Variants in SMARCD2 observed in about 807,000 individuals in gnomAD.
SMARCD2 encodes SWI/SNF related BAF chromatin remodeling complex subunit D2, also known as SWI/SNF-related matrix-associated actin-dependent regulator of chromatin subfamily D member 2.
A neutral mutation model predicts 70.4 loss-of-function variants in SMARCD2; 39 were observed. That is an observed-to-expected ratio of 0.55 (90% CI 0.43 to 0.72). The LOEUF (loss-of-function observed/expected upper bound fraction) is 0.72. Among genes scored for constraint, SMARCD2 ranks in the 30% least tolerant of loss-of-function variants. The pLI, the probability that SMARCD2 is intolerant of heterozygous loss-of-function variation, is 0.00. For missense variants in SMARCD2, 540 were observed against 713.4 expected, an observed-to-expected ratio of 0.76 and a Z score of 2.77; for synonymous variants, 249 against 279.4, an observed-to-expected ratio of 0.89 and a Z score of 1.08.
At chr17:63,838,676 C>T (rs1026320740) in intron 1 of SMARCD2, 2 of 1,433,864 alleles carry the variant, frequency 1.4e-6, no homozygotes, top group African/African-American at 2.9e-5. Flanking sequence ...CCACCCGCCT[C>T]CCCATGGCTG....
Position 63,832,792 on chromosome 17 carries a change from T to TC in SMARCD2, c.*145dup. On this transcript the variant is annotated 3_prime_UTR_variant, in exon 13 of 13. Transcript: ENST00000448276. The stretch of plus-strand genomic sequence containing the variant: ...GGGGACCAAGCAACAAGGAATCCTA[T>TC]CACTACATTTATAAGACTAAAGCTG... 5.6e-6 allele frequency: 4 copies of TC among 714,656 alleles called. No individual in the cohort carries two copies. Among genetic ancestry groups the TC allele is most frequent in the Non-Finnish European group, 9.8e-6 (4 of 408,758 alleles). The allele number at this position is 714,656 out of a possible 1,614,324, so 44.3% of individuals were successfully genotyped here. A position where few individuals can be genotyped will look rare whatever the true frequency, so the allele number is the denominator to read the frequency against.
chr17:63,837,298 T>C lies in SMARCD2; in HGVS notation c.402-61A>G. 1 of 1,564,952 alleles carries C rather than the reference T, an allele frequency of 6.4e-7. No individual in the cohort carries two copies. Among genetic ancestry groups the C allele is most frequent in the South Asian group, 1.1e-5 (1 of 90,026 alleles). The stretch of plus-strand genomic sequence containing the variant: ...GTCCAAAAAAGGACACTCACTCCCA[T>C]AACGCCCCTCCAGTCTCCAGGACCC... On this transcript the variant is annotated intron_variant, in intron 2 of 12. Coordinates refer to ENST00000448276, the MANE Select transcript of SMARCD2 (RefSeq NM_001098426.2). The surrounding 1 kb of genome is among the most constrained non-coding windows in gnomAD (Gnocchi z 6.4).
chr17:63,839,070 T>C, intron 1 of SMARCD2: 2 of 985,354 alleles, frequency 2.0e-6, no homozygotes, highest in African/African-American at 3.5e-5. Flanking sequence ...CCAAAGTCTC[T>C]CTGCATCAGG....
rs927959000 is a variant in SMARCD2 at position 63,837,995 on chromosome 17, C to T, written c.217-370G>A. On this transcript the variant is annotated intron_variant, in intron 1 of 12. Transcript: ENST00000448276. This position sits in a 1 kb window ranked among gnomAD's most constrained non-coding sequence, Gnocchi z 6.4. ...GCTGGTCCCTATTCTCTCAGACAGT[C>T]CTGCCAAGCCCTGCCCTCCTTCTCT... 6.6e-6 allele frequency among the ~76,000 whole-genome samples: 1 copy of T among 152,136 alleles called. No homozygotes were observed. Among genetic ancestry groups the T allele is most frequent in the African/African-American group, 2.4e-5 (1 of 41,428 alleles).
At chr17:63,835,603 C>G in intron 4 of SMARCD2, 36 bp from the exon 5 acceptor site, 1 of 1,607,492 alleles carries the variant, frequency 6.2e-7, no homozygotes, top group Non-Finnish European at 8.5e-7. Context: ...TGGAGGTGGA[C>G]CAAGATGCTG....
rs906339420 is a variant in SMARCD2 at position 63,837,261 on chromosome 17, A to G, written c.402-24T>C. 73 of 1,612,262 alleles carry G rather than the reference A, an allele frequency of 4.5e-5. No individual in the cohort carries two copies. Among genetic ancestry groups the G allele is most frequent in the Non-Finnish European group, 6.2e-5 (73 of 1,178,562 alleles). On this transcript the variant is annotated intron_variant, in intron 2 of 12. Transcript: ENST00000448276. The surrounding 1 kb of genome is among the most constrained non-coding windows in gnomAD (Gnocchi z 6.4). Reference sequence around the variant, plus strand: ...ACCTGGGGAGGACAGAAACCCACTTAAGAGGTCAATGGTCCAAAAAAGGAC... The same window carrying G: ...ACCTGGGGAGGACAGAAACCCACTTGAGAGGTCAATGGTCCAAAAAAGGAC...
intron 4 of SMARCD2, 133 bp downstream of exon 4, chr17:63,836,789 C>T (rs556354559): frequency 4.3e-5 from 32 of 751,512 alleles, no homozygotes; most frequent in Admixed American, 6.8e-5. Flanking sequence ...CAACTGAGTT[C>T]GTACTCTACT....
Position 63,834,357 on chromosome 17 carries a change from G to A in SMARCD2, c.922-29C>T, listed in dbSNP as rs768567198. On this transcript the variant is annotated intron_variant, in intron 7 of 12. Coordinates refer to ENST00000448276, the MANE Select transcript of SMARCD2 (RefSeq NM_001098426.2). The surrounding 1 kb of genome is among the most constrained non-coding windows in gnomAD (Gnocchi z 5.6). ...GAGTTGGATGGAGGGGAGTCAGAAC[G>A]GGTTCTTATAGTAGAACAGTGGGAA... 8.7e-6 allele frequency: 14 copies of A among 1,602,380 alleles called. No homozygotes were observed. The highest frequency in any genetic ancestry group is 3.3e-5 in the South Asian group (3 of 90,618).
Position 63,832,892 on chromosome 17 carries a change from G to A in SMARCD2, c.*46C>T, listed in dbSNP as rs1273996925. 1 of 1,527,562 alleles carries A rather than the reference G, an allele frequency of 6.5e-7. No homozygotes were observed. Among genetic ancestry groups the A allele is most frequent in the Non-Finnish European group, 8.9e-7 (1 of 1,126,644 alleles). 94.6% of individuals were successfully genotyped at this position (1,527,562 alleles called of 1,614,324 possible). Reference sequence around the variant, plus strand: ...CGGCCCCAGCAAGGACCCAGAGGGTGGTCTCCCTCCAGGCTCCAGGGCTGG... The same window carrying A: ...CGGCCCCAGCAAGGACCCAGAGGGTAGTCTCCCTCCAGGCTCCAGGGCTGG... On this transcript the variant is annotated 3_prime_UTR_variant, in exon 13 of 13. Coordinates refer to ENST00000448276, the MANE Select transcript of SMARCD2 (RefSeq NM_001098426.2).
Position 63,834,014 on chromosome 17 carries a change from A to T in SMARCD2, c.1084-8T>A. ...TCGGCCACAACTGAAGATCTGGAGGAAATACGAAAGGCTCAGCGTTGGCTT... is the reference window on the plus strand; with the variant it reads ...TCGGCCACAACTGAAGATCTGGAGGTAATACGAAAGGCTCAGCGTTGGCTT... On this transcript the variant is annotated splice_polypyrimidine_tract_variant and splice_region_variant and intron_variant, in intron 8 of 12. Transcript: ENST00000448276. This position sits in a 1 kb window ranked among gnomAD's most constrained non-coding sequence, Gnocchi z 5.6. 2 of 1,612,572 alleles carry T rather than the reference A, an allele frequency of 1.2e-6. No homozygotes were observed. The highest frequency in any genetic ancestry group is 1.7e-6 in the Non-Finnish European group (2 of 1,178,590).
rs1209298896 is a variant in SMARCD2, at chr17:63,842,443, C to G, written c.216+16G>C. On this transcript the variant is annotated intron_variant, in intron 1 of 12. Coordinates refer to ENST00000448276, the MANE Select transcript of SMARCD2 (RefSeq NM_001098426.2). ...AGCGCCTCTCGCCCCCGTCCGCTCG[C>G]GTCCTCCTTGCTCACCTGGTACTGC... 7.4e-7 allele frequency: 1 copy of G among 1,346,816 alleles called. No individual in the cohort carries two copies. Among genetic ancestry groups the G allele is most frequent in the South Asian group, 1.7e-5 (1 of 60,482 alleles). 83.4% of individuals were successfully genotyped at this position (1,346,816 alleles called of 1,614,324 possible). A position where few individuals can be genotyped will look rare whatever the true frequency, so the allele number is the denominator to read the frequency against.
intron 1 of SMARCD2, among the ~76,000 whole-genome samples, chr17:63,841,456 C>A (rs1166303041): frequency 6.6e-6 from 1 of 152,194 alleles, no homozygotes; most frequent in Non-Finnish European, 1.5e-5. Context: ...TGGCTTCGGA[C>A]GTGGTGGAGT....
chr17:63,838,778 A>C (rs2040296968), intron 1 of SMARCD2: 3 of 1,272,078 alleles, frequency 2.4e-6, no homozygotes, highest in Non-Finnish European at 3.0e-6. Flanking sequence ...TTATGCAACG[A>C]GCACAACCAG....
Position 63,834,263 on chromosome 17 carries a change from GGCCCTCGTCT to G in SMARCD2, c.977_986del (p.Gln326ProfsTer47). On this transcript the variant is annotated frameshift_variant, in exon 8 of 13. Coordinates refer to ENST00000448276, the MANE Select transcript of SMARCD2 (RefSeq NM_001098426.2). LOFTEE classifies it high-confidence loss of function. The surrounding 1 kb of genome is among the most constrained non-coding windows in gnomAD (Gnocchi z 5.6). The stretch of plus-strand genomic sequence containing the variant: ...AAAGCCACAGGGCCTGCATGATGGC[GGCCCTCGTCT>G]GCGTGTGCACTCCCAGCAGCCTTGC... The G allele has an allele frequency of 6.2e-7, 1 of 1,610,982 alleles. No individual in the cohort carries two copies. Among genetic ancestry groups the G allele is most frequent in the Non-Finnish European group, 8.5e-7 (1 of 1,178,750 alleles).
intron 1 of SMARCD2, among the ~76,000 whole-genome samples, chr17:63,838,214 C>T (rs901540296): frequency 2.6e-5 from 4 of 152,034 alleles, no homozygotes; most frequent in Non-Finnish European, 4.4e-5. Context: ...TGGCTTGGAA[C>T]GTGTACCAGC....
rs1429190048 is a variant in SMARCD2, at chr17:63,837,593, G to A, written c.249C>T (p.Pro83=). The part of the protein sequence containing the change: ...RPGMSPGNRM[P]MAGLQVGPPA... Reference sequence around the variant, plus strand: ...GGGGTCCCACCTGCAAGCCAGCCATGGGCATCCGGTTCCCTGGTGACATGC... The same window carrying A: ...GGGGTCCCACCTGCAAGCCAGCCATAGGCATCCGGTTCCCTGGTGACATGC... The change falls in exon 2 of 13, where the codon CCC becomes CCT. Residue 83 remains proline (P), a synonymous_variant. Transcript: ENST00000448276. The surrounding 1 kb of genome is among the most constrained non-coding windows in gnomAD (Gnocchi z 6.4). The A allele has an allele frequency of 6.2e-7, 1 of 1,613,092 alleles. No homozygotes were observed. Among genetic ancestry groups the A allele is most frequent in the Non-Finnish European group, 8.5e-7 (1 of 1,179,638 alleles).
At chr17:63,835,828 A>G (rs533255667) in intron 4 of SMARCD2, among the ~76,000 whole-genome samples, 2 of 152,076 alleles carry the variant, frequency 1.3e-5, no homozygotes, top group East Asian at 1.9e-4. Flanking sequence ...TCCCAGGTTC[A>G]AGCGATTCTC....
intron 1 of SMARCD2, chr17:63,838,637 T>A (rs2040294853): frequency 6.7e-7 from 1 of 1,497,270 alleles, no homozygotes; most frequent in Non-Finnish European, 8.9e-7. Flanking sequence ...GACATTTCTG[T>A]GGAGCCCATC....
chr17:63,842,386 G>GC, intron 1 of SMARCD2, 73 bp downstream of exon 1: 2 of 1,259,854 alleles, frequency 1.6e-6, no homozygotes, highest in East Asian at 7.8e-5. Flanking sequence ...CTCACTCGAG[G>GC]CCCCTTCAGC....
Sources: gnomAD v4.1 joint callset for allele counts (sites outside exome capture counted in the v4.1 genomes callset) on GRCh38, gnomAD v4.1.1 for gene constraint, Gnocchi (gnomAD v3.1) non-coding constraint, MANE v1.5 for transcripts, NCBI Gene and HGNC (gene_info 2026-07-23, HGNC 2026-07-21) for gene names.